ANKS1B: variants seen among roughly 807,000 people sequenced by gnomAD.
ANKS1B encodes the protein ankyrin repeat and sterile alpha motif domain-containing protein 1B.
In ANKS1B, 36 loss-of-function variants were observed where a neutral mutation model predicts 148.3. The ratio of observed to expected loss-of-function variants is 0.24; its 90% confidence interval spans 0.19 to 0.32. ANKS1B has a LOEUF of 0.32. Ranked by LOEUF, ANKS1B falls within the 10% of genes least tolerant of loss-of-function variation. The pLI, the probability that ANKS1B is intolerant of heterozygous loss-of-function variation, is 1.00. For missense variants in ANKS1B, 1,157 were observed against 1,542.6 expected (o/e 0.75, Z 4.19); for synonymous variants, 542 against 560.8 (o/e 0.97, Z 0.47).
chr12:99,731,677 G>C lies in ANKS1B; in HGVS notation c.1128+41245C>G, dbSNP rs111913479. Among the ~76,000 whole-genome samples the C allele has an allele frequency of 1.2e-3, 190 of 152,188 alleles. 4 individuals carry two copies. The highest frequency in any genetic ancestry group is 3.4e-3 in the Middle Eastern group (1 of 294). ...GCAAAATAATTTGGAATGAATTACAGCCTAAAATATGAGTCAAACTATTAA... is the reference window on the plus strand; with the variant it reads ...GCAAAATAATTTGGAATGAATTACACCCTAAAATATGAGTCAAACTATTAA... On this transcript the variant is annotated intron_variant, in intron 8 of 26. Coordinates refer to ENST00000683438, the MANE Select transcript of ANKS1B (RefSeq NM_001352186.2).
intron 11 of ANKS1B, among the ~76,000 whole-genome samples, chr12:99,403,288 C>G (rs1291383570): frequency 7.2e-6 from 1 of 139,026 alleles, no homozygotes; most frequent in African/African-American, 2.8e-5. Flanking sequence ...CCTCGAGTAG[C>G]TGGGATTACA....
chr12:99,973,543 T>C (rs926053291), intron 1 of ANKS1B, among the ~76,000 whole-genome samples: 1 of 152,244 alleles, frequency 6.6e-6, no homozygotes, highest in Non-Finnish European at 1.5e-5. Context: ...ATCATGCCAC[T>C]GCACTCCAGG....
chr12:99,174,850 A>G (rs563176516), intron 14 of ANKS1B, among the ~76,000 whole-genome samples: 1 of 152,306 alleles, frequency 6.6e-6, no homozygotes, highest in South Asian at 2.1e-4. Flanking sequence ...GAACTAATAT[A>G]CTACATCATG....
At chr12:99,801,942 A>G (rs1325721606) in intron 4 of ANKS1B, among the ~76,000 whole-genome samples, 1 of 152,202 alleles carries the variant, frequency 6.6e-6, no homozygotes, top group Non-Finnish European at 1.5e-5. Flanking sequence ...CCTCAGTGAA[A>G]TAAAAGCAGT....
At position 98,974,931 on chromosome 12, in the gene ANKS1B, CTCCTTCTTTCCTTCCTTCATTTCT is replaced by C. The variant is rs2099890461; in HGVS notation, c.2778+78202_2778+78225del. Among the ~76,000 whole-genome samples the C allele has an allele frequency of 2.8e-5, 4 of 143,420 alleles. 1 individual carries two copies. The South Asian group carries it at 9.2e-4, about 33-fold the overall frequency. 94.1% of individuals were successfully genotyped at this position (143,420 alleles called of 152,430 possible). A position where few individuals can be genotyped will look rare whatever the true frequency, so the allele number is the denominator to read the frequency against. ...CCTCCCTTCTTTCTTCTTCCCTTTC[CTCCTTCTTTCCTTCCTTCATTTCT>C]TCCTTCTTTCCTTTCTTCCTCCCTC... On this transcript the variant is annotated intron_variant, in intron 17 of 26. Coordinates refer to ENST00000683438, the MANE Select transcript of ANKS1B (RefSeq NM_001352186.2).
chr12:99,368,170 T>C (rs1382662744), intron 12 of ANKS1B, among the ~76,000 whole-genome samples: 1 of 152,136 alleles, frequency 6.6e-6, no homozygotes, highest in Admixed American at 6.6e-5. Flanking sequence ...AATAGTTTTG[T>C]TGTATTGGGG....
chr12:99,626,586 T>A (rs1436929564), intron 9 of ANKS1B, among the ~76,000 whole-genome samples: 1 of 152,148 alleles, frequency 6.6e-6, no homozygotes, highest in Non-Finnish European at 1.5e-5. Context: ...GAGACCATAT[T>A]CCATCTTCTT....
intron 25 of ANKS1B, among the ~76,000 whole-genome samples, chr12:98,756,176 C>A (rs1201631992): frequency 6.6e-6 from 1 of 152,082 alleles, no homozygotes; most frequent in African/African-American, 2.4e-5. Context: ...CCCATAATTC[C>A]CACGTGTTGT....
chr12:99,276,917 T>A (rs549389772), intron 12 of ANKS1B, among the ~76,000 whole-genome samples: 1 of 152,184 alleles, frequency 6.6e-6, no homozygotes. Flanking sequence ...TGTTACATGA[T>A]CTCTGTATAG....
chr12:99,711,765 A>G (rs1380064147), intron 8 of ANKS1B, among the ~76,000 whole-genome samples: 1 of 152,214 alleles, frequency 6.6e-6, no homozygotes, highest in Non-Finnish European at 1.5e-5. Context: ...AAATTAGTTC[A>G]ACCATTGTGG....
intron 17 of ANKS1B, among the ~76,000 whole-genome samples, chr12:98,934,112 T>C (rs190500819): frequency 6.6e-6 from 1 of 152,288 alleles, no homozygotes; most frequent in East Asian, 1.9e-4. Context: ...ATGTATGTTT[T>C]CTTCTAGCAG....
chr12:98,910,546 A>C lies in ANKS1B; in HGVS notation c.2779-78410T>G, dbSNP rs1357786109. 2.0e-5 allele frequency among the ~76,000 whole-genome samples: 3 copies of C among 152,358 alleles called. No individual in the cohort carries two copies. In the South Asian group the frequency reaches 6.2e-4, roughly 32 times the overall value. On this transcript the variant is annotated intron_variant, in intron 17 of 26. Transcript: ENST00000683438. The stretch of plus-strand genomic sequence containing the variant: ...ATGCTGAAAGTTCAGAAAAAATGCA[A>C]AACTTACTTTAATTAGGAGATGGAG...
intron 8 of ANKS1B, among the ~76,000 whole-genome samples, chr12:99,656,310 G>A (rs1295996052): frequency 6.6e-6 from 1 of 151,834 alleles, no homozygotes; most frequent in Non-Finnish European, 1.5e-5. Context: ...TAAGAAAAAA[G>A]GTCTATAAAT....
chr12:98,866,148 T>C (rs1354376640), intron 17 of ANKS1B, among the ~76,000 whole-genome samples: 1 of 152,104 alleles, frequency 6.6e-6, no homozygotes, highest in Non-Finnish European at 1.5e-5. Flanking sequence ...AACGTTCATA[T>C]CTAAAGCAAG....
intron 17 of ANKS1B, among the ~76,000 whole-genome samples, chr12:99,035,645 G>A (rs927316069): frequency 2.0e-5 from 3 of 152,074 alleles, no homozygotes; most frequent in African/African-American, 7.2e-5. Flanking sequence ...CAAACCTTTA[G>A]AGGGCCAAGG....
chr12:99,681,391 G>C (rs2098615894), intron 8 of ANKS1B, among the ~76,000 whole-genome samples: 2 of 152,150 alleles, frequency 1.3e-5, no homozygotes, highest in African/African-American at 4.8e-5. Context: ...GAGAAAACCA[G>C]AACAATAAAC....
intron 1 of ANKS1B, among the ~76,000 whole-genome samples, chr12:99,852,787 T>A (rs1947187113): frequency 1.3e-5 from 2 of 152,218 alleles, no homozygotes; most frequent in Admixed American, 1.3e-4. Context: ...GTCTACTCGC[T>A]TTCTCAGCTG....
chr12:99,240,971 C>A (rs563661575), intron 14 of ANKS1B, among the ~76,000 whole-genome samples: 7 of 152,232 alleles, frequency 4.6e-5, no homozygotes, highest in African/African-American at 1.7e-4. Context: ...GACACGCTAA[C>A]ATCACAATTA....
chr12:99,328,629 T>A (rs901752205), intron 12 of ANKS1B, among the ~76,000 whole-genome samples: 1 of 151,454 alleles, frequency 6.6e-6, no homozygotes, highest in Non-Finnish European at 1.5e-5. Flanking sequence ...GTCAATTTCA[T>A]CCCAAAAAAG....
Sources: gnomAD v4.1 joint callset for allele counts (sites outside exome capture counted in the v4.1 genomes callset) on GRCh38, gnomAD v4.1.1 for gene constraint, MANE v1.5 for transcripts, NCBI Gene and HGNC (gene_info 2026-07-23, HGNC 2026-07-21) for gene names.